The following TIMM23 variants were observed in gnomAD, a reference collection of about 807,000 sequenced individuals.
TIMM23 encodes mitochondrial import inner membrane translocase subunit Tim23.
In TIMM23, 19 loss-of-function variants were observed where a neutral mutation model predicts 30.7. The ratio of observed to expected loss-of-function variants is 0.62; its 90% CI spans 0.43 to 0.91. The LOEUF is 0.91. Ranked by LOEUF, TIMM23 falls within the 40% of genes least tolerant of loss-of-function variation. The probability of loss-of-function intolerance (pLI) is 0.00; values close to 1 mark genes in which losing one functional copy is unlikely to be tolerated. For missense variants in TIMM23, 202 were observed against 269.2 expected, an observed-to-expected ratio of 0.75 and a Z score of 1.75; for synonymous variants, 78 against 98.5, an observed-to-expected ratio of 0.79 and a Z score of 1.23.
At chr10:45,978,598 T>C (rs1431874887) in intron 2 of TIMM23, among the ~76,000 whole-genome samples, 2 of 152,310 alleles carry the variant, frequency 1.3e-5, no homozygotes, top group East Asian at 3.9e-4. Flanking sequence ...GAGATACCTC[T>C]TTACACCCAC....
intron 1 of TIMM23, 57 bp downstream of exon 1, chr10:45,972,787 G>A (rs1427366649): frequency 2.7e-4 from 433 of 1,602,806 alleles, no homozygotes; most frequent in Non-Finnish European, 3.4e-4. Context: ...TCTACACTAA[G>A]TTGCGCGTCC....
intron 1 of TIMM23, among the ~76,000 whole-genome samples, chr10:45,973,376 C>G (rs1313337397): frequency 6.6e-6 from 1 of 152,138 alleles, no homozygotes; most frequent in African/African-American, 2.4e-5. Flanking sequence ...TTTTCCAGAA[C>G]TTTGGTACTT....
Position 45,979,950 on chromosome 10 carries a change from T to C in TIMM23, c.166-2573T>C, listed in dbSNP as rs1478227642. 2.9e-3 allele frequency among the ~76,000 whole-genome samples: 442 copies of C among 152,282 alleles called. 3 individuals carry two copies. Among genetic ancestry groups the C allele is most frequent in the Middle Eastern group, 0.017 (5 of 294 alleles). On this transcript the variant is annotated intron_variant, in intron 2 of 6. Transcript: ENST00000580018. ...TAGATCTAGTTAAAATTCAATATCA[T>C]TGTGGCCCTGCATTGCTAGGTGGGG...
At chr10:46,001,825 C>T (rs1283226217) in intron 6 of TIMM23, among the ~76,000 whole-genome samples, 1 of 152,160 alleles carries the variant, frequency 6.6e-6, no homozygotes, top group Non-Finnish European at 1.5e-5. Context: ...TTTCTCTTTG[C>T]CACATTACGT....
chr10:45,996,964 C>CAAAA lies in TIMM23; in HGVS notation c.515-6236_515-6235insAAAA, dbSNP rs1467134430. The stretch of plus-strand genomic sequence containing the variant: ...TGGACGACAGAGTGAGACCCTGTGT[C>CAAAA]AAACAAAAAAAAAAAAAAAAAGATA... On this transcript the variant is annotated intron_variant, in intron 6 of 6. Transcript: ENST00000580018. 2.9e-4 allele frequency among the ~76,000 whole-genome samples: 32 copies of CAAAA among 111,748 alleles called. 1 individual carries two copies. Among genetic ancestry groups the CAAAA allele is most frequent in the African/African-American group, 4.3e-4 (12 of 27,986 alleles). The allele number at this position is 111,748 out of a possible 152,430, so 73.3% of individuals were successfully genotyped here.
At chr10:45,985,326 G>A in intron 4 of TIMM23, 57 bp from the exon 5 acceptor site, 3 of 1,610,430 alleles carry the variant, frequency 1.9e-6, no homozygotes, top group East Asian at 2.2e-5. Flanking sequence ...TGTTTTTAAA[G>A]GTTACTAGAG....
intron 2 of TIMM23, among the ~76,000 whole-genome samples, chr10:45,980,054 T>C (rs1837798714): frequency 6.6e-6 from 1 of 151,558 alleles, no homozygotes. Context: ...ACATTTAATC[T>C]TCCATTGGAA....
At chr10:45,984,068 T>G (rs1461799268) in intron 4 of TIMM23, among the ~76,000 whole-genome samples, 11 of 152,198 alleles carry the variant, frequency 7.2e-5, no homozygotes, top group Admixed American at 7.2e-4. Context: ...ATATTCCTGT[T>G]ACTGTGTGGA....
At chr10:45,991,371 A>G (rs1838158391) in intron 6 of TIMM23, among the ~76,000 whole-genome samples, 1 of 152,232 alleles carries the variant, frequency 6.6e-6, no homozygotes, top group Non-Finnish European at 1.5e-5. Flanking sequence ...TGGGTAGATA[A>G]AATAGATTGG....
Position 45,975,495 on chromosome 10 carries a change from CCA to C in TIMM23, c.150_151del (p.Arg51IlefsTer8), listed in dbSNP as rs782564769. 6.2e-7 allele frequency: 1 copy of C among 1,613,860 alleles called. No individual in the cohort carries two copies. Among genetic ancestry groups the C allele is most frequent in the Admixed American group, 1.7e-5 (1 of 60,002 alleles). ...TCTGTCTCCTTATTTAAATGTGGAT[CCA>C]CGATACCTCGTGCAGGTAAGATTAA... The part of the protein sequence containing the change: ...NPLSPYLNVD[P>X]RYLVQDTDEF... On this transcript the variant is annotated frameshift_variant, in exon 2 of 7. Coordinates refer to ENST00000580018, the MANE Select transcript of TIMM23 (RefSeq NM_006327.4). LOFTEE classifies it high-confidence loss of function.
intron 5 of TIMM23, among the ~76,000 whole-genome samples, chr10:45,987,115 TTGA>T (rs1838013841): frequency 6.6e-6 from 1 of 152,142 alleles, no homozygotes; most frequent in African/African-American, 2.4e-5. Flanking sequence ...ACAAATGCTC[TTGA>T]TGGGCATTTT....
At chr10:45,989,583 T>C (rs1838095797) in intron 6 of TIMM23, among the ~76,000 whole-genome samples, 1 of 152,220 alleles carries the variant, frequency 6.6e-6, no homozygotes, top group Non-Finnish European at 1.5e-5. Flanking sequence ...TTCATTTTAG[T>C]TTAGTTTTTT....
At chr10:45,995,468 G>C (rs1554916553) in intron 6 of TIMM23, among the ~76,000 whole-genome samples, 1 of 137,640 alleles carries the variant, frequency 7.3e-6, no homozygotes, top group Non-Finnish European at 1.5e-5. Context: ...TGCATAATTA[G>C]TGTACCTCAT....
At chr10:45,978,279 G>T (rs1269998200) in intron 2 of TIMM23, among the ~76,000 whole-genome samples, 11 of 152,256 alleles carry the variant, frequency 7.2e-5, no homozygotes, top group South Asian at 2.1e-4. Flanking sequence ...CTTGAGTCCA[G>T]CAGGTCAAGT....
At position 45,979,183 on chromosome 10, in the gene TIMM23, G is replaced by A. The variant is rs1358084266; in HGVS notation, c.166-3340G>A. On this transcript the variant is annotated intron_variant, in intron 2 of 6. Coordinates refer to ENST00000580018, the MANE Select transcript of TIMM23 (RefSeq NM_006327.4). The stretch of plus-strand genomic sequence containing the variant: ...GATTTTTTTGGGGGGTGATGAAGAT[G>A]CTTTAAAATTTATTGTAGTCTTGGT... Among the ~76,000 whole-genome samples, 8 of 152,266 alleles carry A rather than the reference G, an allele frequency of 5.3e-5. No homozygotes were observed. The South Asian group carries it at 8.3e-4, about 16-fold the overall frequency.
chr10:45,997,765 A>G (rs1838391058), intron 6 of TIMM23, among the ~76,000 whole-genome samples: 1 of 152,168 alleles, frequency 6.6e-6, no homozygotes, highest in Non-Finnish European at 1.5e-5. Flanking sequence ...TTACCAAACC[A>G]CTGCACTCCA....
At chr10:45,996,972 A>C (rs1452436867) in intron 6 of TIMM23, among the ~76,000 whole-genome samples, 22 of 150,866 alleles carry the variant, frequency 1.5e-4, no homozygotes, top group South Asian at 6.3e-4. Context: ...GTCAAACAAA[A>C]AAAAAAAAAA....
chr10:46,001,671 C>CAG (rs1252986380), intron 6 of TIMM23, among the ~76,000 whole-genome samples: 2 of 152,152 alleles, frequency 1.3e-5, no homozygotes, highest in African/African-American at 4.8e-5. Flanking sequence ...GTCTCCCTAA[C>CAG]ACATGACTTG....
chr10:45,980,407 T>C (rs1837807130), intron 2 of TIMM23, among the ~76,000 whole-genome samples: 1 of 152,160 alleles, frequency 6.6e-6, no homozygotes, highest in African/African-American at 2.4e-5. Flanking sequence ...CCAACTTTTA[T>C]CTGATACAGT....
Sources: gnomAD v4.1 joint callset for allele counts (sites outside exome capture counted in the v4.1 genomes callset) on GRCh38, gnomAD v4.1.1 for gene constraint, MANE v1.5 for transcripts, NCBI Gene and HGNC (gene_info 2026-07-23, HGNC 2026-07-21) for gene names.